SLC9B1: variants seen among roughly 807,000 people sequenced by gnomAD.
SLC9B1 encodes sodium/hydrogen exchanger 9B1.
In SLC9B1, 32 loss-of-function variants were observed where a neutral mutation model predicts 51.7. That is an observed-to-expected ratio of 0.62 (90% CI 0.47 to 0.83). SLC9B1 has a LOEUF of 0.83. SLC9B1 is among the 40% of genes least tolerant of loss of function. The pLI is 0.00. For synonymous variants in SLC9B1, 145 were observed against 212.7 expected (o/e 0.68, Z 2.77); for missense variants, 406 against 613.2 (o/e 0.66, Z 3.57).
At chr4:102,985,823 T>C (rs1400915234) in intron 3 of SLC9B1, among the ~76,000 whole-genome samples, 1 of 152,040 alleles carries the variant, frequency 6.6e-6, no homozygotes, top group African/African-American at 2.4e-5. Context: ...CTGTGCCTGG[T>C]CAAAGTCCAC....
At position 102,901,100 on chromosome 4, in the gene SLC9B1, G is replaced by A. The variant is rs770793281; in HGVS notation, c.*17C>T. On this transcript the variant is annotated 3_prime_UTR_variant, in exon 12 of 12. Coordinates refer to ENST00000296422, the MANE Select transcript of SLC9B1 (RefSeq NM_139173.4). Reference sequence around the variant, plus strand: ...AATTCATTAAAAGAAGCAGGCAGATGATGACAGGTAAACTTTTTAATGATG... The same window carrying A: ...AATTCATTAAAAGAAGCAGGCAGATAATGACAGGTAAACTTTTTAATGATG... The A allele has an allele frequency of 4.8e-5, 78 of 1,609,988 alleles. No homozygotes were observed. The highest frequency in any genetic ancestry group is 6.2e-5 in the Non-Finnish European group (73 of 1,179,530).
In SLC9B1 at chr4:102,905,611, C is replaced by T. The variant is rs748586746; in HGVS notation, c.1235G>A (p.Arg412Gln). The change falls in exon 11 of 12, where the codon CGA becomes CAA. Residue 412 changes from arginine to glutamine, a missense_variant. This residue lies in a region of SLC9B1 where 250 missense variants were observed against 394.1 expected (regional missense o/e 0.63). Coordinates refer to ENST00000296422, the MANE Select transcript of SLC9B1 (RefSeq NM_139173.4). ...CATCAATAGATATGTGGTTAAAATT[C>T]GAACACATAATGCCAAACTTAGAGT... ...VATLSLALCV[R>Q]ILTTYLLMCF... 7 of 1,611,052 alleles carry T rather than the reference C, an allele frequency of 4.3e-6. No individual in the cohort carries two copies. Among genetic ancestry groups the T allele is most frequent in the East Asian group, 2.2e-5 (1 of 44,806 alleles).
rs181916810 is a variant in SLC9B1, at chr4:103,016,007, G to A, written c.-2+3592C>T. Among the ~76,000 whole-genome samples, 192 of 151,576 alleles carry A rather than the reference G, an allele frequency of 1.3e-3. 1 individual carries two copies. The highest frequency in any genetic ancestry group is 6.8e-3 in the Middle Eastern group (2 of 294). The stretch of plus-strand genomic sequence containing the variant: ...AGCCAGGCATGGTGTGTTGGTGTGC[G>A]CCTGTAATCCCAGCTACTCAGGAAG... On this transcript the variant is annotated intron_variant, in intron 1 of 11. Coordinates refer to ENST00000296422, the MANE Select transcript of SLC9B1 (RefSeq NM_139173.4).
intron 1 of SLC9B1, among the ~76,000 whole-genome samples, chr4:103,013,320 T>A (rs1193131190): frequency 2.0e-5 from 3 of 152,234 alleles, no homozygotes; most frequent in African/African-American, 7.2e-5. Context: ...GCACACTACA[T>A]AAACTGGATG....
At chr4:102,898,446 C>T (rs1395899135), downstream of SLC9B1, among the ~76,000 whole-genome samples, 1 of 152,130 alleles carries the variant, frequency 6.6e-6, no homozygotes, top group Admixed American at 6.5e-5. Flanking sequence ...AACAAAAAAT[C>T]CTCCCAAAAT....
chr4:102,996,952 A>ATT (rs35142141), intron 1 of SLC9B1, among the ~76,000 whole-genome samples: 72 of 148,062 alleles, frequency 4.9e-4, no homozygotes, highest in Middle Eastern at 3.4e-3. Context: ...ATGTCCAGCA[A>ATT]TTTTTTTTTT....
intron 3 of SLC9B1, among the ~76,000 whole-genome samples, chr4:102,965,611 A>G (rs1339237210): frequency 1.3e-5 from 2 of 152,168 alleles, no homozygotes; most frequent in African/African-American, 4.8e-5. Context: ...AAACCATGGC[A>G]TTCCACCCTT....
At chr4:102,981,365 T>C (rs1329687228) in intron 3 of SLC9B1, among the ~76,000 whole-genome samples, 2 of 152,162 alleles carry the variant, frequency 1.3e-5, no homozygotes, top group Non-Finnish European at 2.9e-5. Flanking sequence ...TTTGGGTAAA[T>C]ATCAAGGAGT....
intron 7 of SLC9B1, among the ~76,000 whole-genome samples, chr4:102,927,406 G>A (rs1736240388): frequency 6.6e-6 from 1 of 152,126 alleles, no homozygotes; most frequent in African/African-American, 2.4e-5. Flanking sequence ...CCATCAAAAA[G>A]TGGGCAAAGA....
rs769478388 is a variant in SLC9B1, at chr4:102,911,495, C to T, written c.872G>A (p.Cys291Tyr). The T allele has an allele frequency of 5.6e-6, 9 of 1,596,970 alleles. 1 individual carries two copies. The South Asian group carries it at 9.9e-5, about 18-fold the overall frequency. The change falls in exon 8 of 12, where the codon TGT (cysteine) becomes TAT (tyrosine). Residue 291 changes from cysteine (C) to tyrosine (Y), a missense_variant. Cys to Tyr is a radical substitution (Grantham distance 194, BLOSUM62 -2). This residue lies in a region of SLC9B1 where 250 missense variants were observed against 394.1 expected (regional missense o/e 0.63). Transcript: ENST00000296422. ...NNAIASIRNV[C>Y]ISLLAGIVLG... ...AACAATTCCTGCCAGCAGACTAATA[C>T]ATACGTTCCTTATAGAGGCTATGGC...
chr4:102,898,957 G>A (rs1420630492), downstream of SLC9B1, among the ~76,000 whole-genome samples: 1 of 151,930 alleles, frequency 6.6e-6, no homozygotes, highest in Non-Finnish European at 1.5e-5. Context: ...TAGCCAGGAT[G>A]GTCTCCCTCC....
intron 3 of SLC9B1, among the ~76,000 whole-genome samples, chr4:102,951,780 G>C (rs1387940620): frequency 6.6e-6 from 1 of 151,660 alleles, no homozygotes; most frequent in African/African-American, 2.4e-5. Flanking sequence ...AAACATAATT[G>C]AAAGAATGAA....
At chr4:102,973,097 A>T (rs1412365040) in intron 3 of SLC9B1, among the ~76,000 whole-genome samples, 1 of 152,192 alleles carries the variant, frequency 6.6e-6, no homozygotes, top group African/African-American at 2.4e-5. Context: ...TGATGACAGA[A>T]ATAAATATAA....
intron 3 of SLC9B1, among the ~76,000 whole-genome samples, chr4:102,967,177 C>T (rs1010052964): frequency 1.3e-5 from 2 of 152,344 alleles, no homozygotes; most frequent in Middle Eastern, 6.8e-3. Flanking sequence ...CTAAGAAATT[C>T]TAAACTTTCT....
intron 1 of SLC9B1, chr4:103,017,052 T>A (rs1257300373): frequency 6.6e-6 from 1 of 152,112 alleles, no homozygotes; most frequent in Non-Finnish European, 1.5e-5. Flanking sequence ...GGCTGCTCCT[T>A]TTTCTTCCTT....
intron 3 of SLC9B1, among the ~76,000 whole-genome samples, chr4:102,987,067 GGTAA>G (rs1473424620): frequency 2.0e-5 from 3 of 152,112 alleles, no homozygotes; most frequent in Non-Finnish European, 2.9e-5. Context: ...AAGGACCTGT[GGTAA>G]GTAAGACTTT....
At chr4:102,989,291 C>T (rs1053531882) in intron 3 of SLC9B1, among the ~76,000 whole-genome samples, 1 of 151,908 alleles carries the variant, frequency 6.6e-6, no homozygotes, top group Admixed American at 6.6e-5. Flanking sequence ...TAGGTTTAAT[C>T]AAACAGAATA....
In SLC9B1 at chr4:102,901,258, C is replaced by T. The variant is rs1734775767; in HGVS notation, c.1407G>A (p.Val469=). 6.2e-7 allele frequency: 1 copy of T among 1,611,976 alleles called. No individual in the cohort carries two copies. Among genetic ancestry groups the T allele is most frequent in the Non-Finnish European group, 8.5e-7 (1 of 1,179,862 alleles). ...AGATGGCTAAAAATGCTACTGTCAT[C>T]ACATCCTTCGCATATGGTTCCAAGT... ...APHLEPYAKD[V]MTVAFLAILI... The change falls in exon 12 of 12, where the codon GTG becomes GTA. Residue 469 remains valine (V), a synonymous_variant. Transcript: ENST00000296422.
intron 6 of SLC9B1, among the ~76,000 whole-genome samples, chr4:102,933,334 C>T (rs1736557435): frequency 1.3e-5 from 2 of 152,196 alleles, no homozygotes; most frequent in Non-Finnish European, 2.9e-5. Context: ...GGCTGTACAA[C>T]CTCTATGGTG....
Sources: allele counts gnomAD v4.1 joint callset (sites outside exome capture counted in the v4.1 genomes callset), GRCh38; gene constraint gnomAD v4.1.1; regional missense constraint gnomAD v4.1.1; transcripts MANE v1.5; gene names NCBI Gene and HGNC (gene_info 2026-07-23, HGNC 2026-07-21).